The following ATP2B1 variants were observed in gnomAD, a reference collection of about 807,000 sequenced individuals.
ATP2B1 encodes the protein plasma membrane calcium-transporting ATPase 1.
ATP2B1 carries 14 observed loss-of-function variants against 124.2 expected under a neutral mutation model. That is an observed-to-expected ratio of 0.11 (90% CI 0.07 to 0.18). ATP2B1 has a LOEUF of 0.18. Ranked by LOEUF, ATP2B1 falls within the 10% of genes least tolerant of loss-of-function variation. The pLI, the probability that ATP2B1 is intolerant of heterozygous loss-of-function variation, is 1.00. For synonymous variants in ATP2B1, 449 were observed against 492.4 expected (o/e 0.91, Z 1.17); for missense variants, 763 against 1,466.1 (o/e 0.52, Z 7.83).
chr12:89,642,025 T>C (rs1231056348), intron 3 of ATP2B1, 133 bp downstream of exon 3: 1 of 847,356 alleles, frequency 1.2e-6, no homozygotes, highest in African/African-American at 1.7e-5. Context: ...GATAATATAT[T>C]TAAGGTACTT....
intron 2 of ATP2B1, among the ~76,000 whole-genome samples, chr12:89,654,215 C>T (rs1885668044): frequency 6.6e-6 from 1 of 152,084 alleles, no homozygotes; most frequent in Non-Finnish European, 1.5e-5. Context: ...GGAACTGTTC[C>T]CGATACTCTT....
intron 1 of ATP2B1, among the ~76,000 whole-genome samples, chr12:89,705,110 AT>A (rs1321316355): frequency 6.6e-6 from 1 of 152,136 alleles, no homozygotes. Context: ...ATAATAAAAA[AT>A]TTTAACAAGA....
intron 1 of ATP2B1, among the ~76,000 whole-genome samples, chr12:89,704,031 A>G (rs1188642918): frequency 1.3e-5 from 2 of 152,178 alleles, no homozygotes; most frequent in Non-Finnish European, 2.9e-5. Context: ...GAGATTTATA[A>G]CCAGGTTTTG....
Position 89,636,651 on chromosome 12 carries a change from T to G in ATP2B1, c.407-1400A>C, listed in dbSNP as rs571191705. Among the ~76,000 whole-genome samples the G allele has an allele frequency of 2.5e-3, 384 of 152,128 alleles. 1 individual carries two copies. Among genetic ancestry groups the G allele is most frequent in the African/African-American group, 8.8e-3 (366 of 41,492 alleles). On this transcript the variant is annotated intron_variant, in intron 3 of 20. Transcript: ENST00000428670. ...CAGACTGAAGAAAAAATCTGAGGTGTGAGGGTGCTGACTAAAAAGCAATCT... is the reference window on the plus strand; with the variant it reads ...CAGACTGAAGAAAAAATCTGAGGTGGGAGGGTGCTGACTAAAAAGCAATCT...
chr12:89,615,629 T>G (rs986682552), intron 12 of ATP2B1, among the ~76,000 whole-genome samples: 9 of 152,216 alleles, frequency 5.9e-5, no homozygotes. Flanking sequence ...ATGTTGCTTC[T>G]TTGCTCAGAA....
chr12:89,637,467 A>T (rs1882882513), intron 3 of ATP2B1, among the ~76,000 whole-genome samples: 1 of 150,494 alleles, frequency 6.6e-6, no homozygotes, highest in African/African-American at 2.5e-5. Flanking sequence ...GCTGGAGTGC[A>T]GTGGTGCCAA....
At chr12:89,594,490 CTACTCTGTGGAGCATACTTA>C (rs1275872800) in intron 20 of ATP2B1, 3 of 151,130 alleles carry the variant, frequency 2.0e-5, no homozygotes, top group Middle Eastern at 3.4e-3. Context: ...CTATTTAAAC[CTACTCTGTGGAGCATACTTA>C]TACCCCTCGA....
Position 89,603,376 on chromosome 12 carries a change from A to G in ATP2B1, c.2849-122T>C. On this transcript the variant is annotated intron_variant, in intron 17 of 20. Coordinates refer to ENST00000428670, the MANE Select transcript of ATP2B1 (RefSeq NM_001366521.1). The surrounding 1 kb of genome is among the most constrained non-coding windows in gnomAD (Gnocchi z 4.3). ...CTGAAATGGCAGCATGGAAGGAGCT[A>G]GAGAAACCTGGGATTATCTAGTACA... 1 of 845,022 alleles carries G rather than the reference A, an allele frequency of 1.2e-6. No homozygotes were observed. The highest frequency in any genetic ancestry group is 1.8e-6 in the Non-Finnish European group (1 of 561,446). The allele number at this position is 845,022 out of a possible 1,614,324, so 52.3% of individuals were successfully genotyped here.
At chr12:89,680,912 T>C (rs1382110090) in intron 1 of ATP2B1, among the ~76,000 whole-genome samples, 1 of 152,162 alleles carries the variant, frequency 6.6e-6, no homozygotes, top group Non-Finnish European at 1.5e-5. Flanking sequence ...CGGAACAGCA[T>C]TTTCAAGAAA....
At chr12:89,597,445 C>G (rs1261636299) in intron 20 of ATP2B1, among the ~76,000 whole-genome samples, 1 of 152,142 alleles carries the variant, frequency 6.6e-6, no homozygotes, top group Non-Finnish European at 1.5e-5. Context: ...AGTTTTCACA[C>G]CTGTAAAACA....
At chr12:89,611,541 T>C (rs1213919427) in intron 12 of ATP2B1, 169 bp from the exon 13 acceptor site, 1 of 527,436 alleles carries the variant, frequency 1.9e-6, no homozygotes, top group African/African-American at 2.0e-5. Context: ...TCTTGCACTA[T>C]TTTCAATAAT....
At chr12:89,617,088 G>T (rs367544629) in intron 11 of ATP2B1, 49 bp from the exon 12 acceptor site, 2 of 1,448,124 alleles carry the variant, frequency 1.4e-6, no homozygotes, top group Non-Finnish European at 1.9e-6. Context: ...AAAAATAATG[G>T]TTAATGCCAT....
At chr12:89,599,020 G>C in intron 20 of ATP2B1, 97 bp downstream of exon 20, 2 of 1,383,222 alleles carry the variant, frequency 1.4e-6, no homozygotes, top group South Asian at 2.8e-5. Context: ...GGTTGGGAAG[G>C]CTAGAGAGGA....
At position 89,609,934 on chromosome 12, in the gene ATP2B1, T is replaced by C. The variant is rs1877682885; in HGVS notation, c.2442+3A>G. ...TTGGATATTTGAATGAGTAAATTCT[T>C]ACCATTGCAAATCCAACATCTGCTT... On this transcript the variant is annotated splice_donor_region_variant and intron_variant, in intron 15 of 20. Coordinates refer to ENST00000428670, the MANE Select transcript of ATP2B1 (RefSeq NM_001366521.1). 1 of 1,612,298 alleles carries C rather than the reference T, an allele frequency of 6.2e-7. No individual in the cohort carries two copies. Among genetic ancestry groups the C allele is most frequent in the Non-Finnish European group, 8.5e-7 (1 of 1,178,904 alleles).
chr12:89,693,498 C>T (rs1436382190), intron 1 of ATP2B1, among the ~76,000 whole-genome samples: 1 of 152,196 alleles, frequency 6.6e-6, no homozygotes, highest in Non-Finnish European at 1.5e-5. Context: ...AAAAAAATGA[C>T]TAGTTTGGAT....
At chr12:89,675,893 C>T (rs922825824) in intron 1 of ATP2B1, among the ~76,000 whole-genome samples, 1 of 152,076 alleles carries the variant, frequency 6.6e-6, no homozygotes, top group Non-Finnish European at 1.5e-5. Context: ...ATTTCAAAAA[C>T]AAATAATAAA....
chr12:89,683,824 C>T (rs1468717958), intron 1 of ATP2B1, among the ~76,000 whole-genome samples: 1 of 152,204 alleles, frequency 6.6e-6, no homozygotes, highest in East Asian at 1.9e-4. Flanking sequence ...ATTTACCCTT[C>T]ATTCCAGCAA....
intron 13 of ATP2B1, 112 bp downstream of exon 13, chr12:89,611,081 T>C: frequency 1.0e-6 from 1 of 989,986 alleles, no homozygotes; most frequent in Non-Finnish European, 1.4e-6. Flanking sequence ...AGACTGCATT[T>C]ATTTCATGCA....
Position 89,613,476 on chromosome 12 carries a change from C to A in ATP2B1, c.2068-2104G>T, listed in dbSNP as rs1301682866. 3.3e-5 allele frequency among the ~76,000 whole-genome samples: 5 copies of A among 152,140 alleles called. No individual in the cohort carries two copies. The East Asian group carries it at 5.8e-4, about 18-fold the overall frequency. ...TATTTACTGAATGCCAGGCACTGTG[C>A]TTAGGTCCTAGTGCCAGAGTGATGA... On this transcript the variant is annotated intron_variant, in intron 12 of 20. Transcript: ENST00000428670.
Sources: allele counts gnomAD v4.1 joint callset (sites outside exome capture counted in the v4.1 genomes callset), GRCh38; gene constraint gnomAD v4.1.1; non-coding constraint Gnocchi (gnomAD v3.1); transcripts MANE v1.5; gene names NCBI Gene and HGNC (gene_info 2026-07-23, HGNC 2026-07-21).